The following PSMD9 variants were observed in gnomAD, a reference collection of about 807,000 sequenced individuals.
PSMD9 encodes the protein proteasome 26S subunit, non-ATPase 9, also known as 26S proteasome non-ATPase regulatory subunit 9.
In PSMD9, 26 loss-of-function variants were observed where a neutral mutation model predicts 25.9. The ratio of observed to expected loss-of-function variants is 1.00; its 90% CI spans 0.73 to 1.39. The LOEUF (loss-of-function observed/expected upper bound fraction) is 1.39. PSMD9 is among the 40% of genes most tolerant of loss of function. The pLI, the probability that PSMD9 is intolerant of heterozygous loss-of-function variation, is 0.00. For synonymous variants in PSMD9, 110 were observed against 114.5 expected (o/e 0.96, Z 0.25); for missense variants, 303 against 299.3 (o/e 1.01, Z -0.09).
At chr12:121,909,685 G>T (rs114601034) in intron 4 of PSMD9, among the ~76,000 whole-genome samples, 4 of 152,164 alleles carry the variant, frequency 2.6e-5, no homozygotes, top group African/African-American at 9.6e-5. Flanking sequence ...CTGCATTTCC[G>T]CCCACTTCGA....
Position 121,895,043 on chromosome 12 carries a change from T to C in PSMD9, c.241+202T>C, listed in dbSNP as rs376432191. Reference sequence around the variant, plus strand: ...TTTCTGGTTTCATTTTCTCTCTCTCTCTCTCTCTCTTTTTTTTTTGAGTCA... The same window carrying C: ...TTTCTGGTTTCATTTTCTCTCTCTCCCTCTCTCTCTTTTTTTTTTGAGTCA... On this transcript the variant is annotated intron_variant, in intron 2 of 5. Coordinates refer to ENST00000541212, the MANE Select transcript of PSMD9 (RefSeq NM_002813.7). Among the ~76,000 whole-genome samples, 11 of 152,090 alleles carry C rather than the reference T, an allele frequency of 7.2e-5. 1 individual carries two copies. In the East Asian group the frequency reaches 1.7e-3, roughly 24 times the overall value.
chr12:121,916,128 G>C, intron 5 of PSMD9, 156 bp from the exon 6 acceptor site: 1 of 1,191,906 alleles, frequency 8.4e-7, no homozygotes, highest in Non-Finnish European at 1.2e-6. Context: ...GGGAGCCCCA[G>C]AGTCTCTCCT....
chr12:121,916,574 A>C lies in PSMD9; in HGVS notation c.*263A>C. 1 of 541,532 alleles carries C rather than the reference A, an allele frequency of 1.8e-6. No individual in the cohort carries two copies. The highest frequency in any genetic ancestry group is 3.3e-6 in the Non-Finnish European group (1 of 302,802). The allele number at this position is 541,532 out of a possible 1,614,324, so 33.5% of individuals were successfully genotyped here. A position where few individuals can be genotyped will look rare whatever the true frequency, so the allele number is the denominator to read the frequency against. Reference sequence around the variant, plus strand: ...CCTGGATTGTGGGCAAGTGGGCGGAAGTTATTCTGGCAGGTACTGGTGTGA... The same window carrying C: ...CCTGGATTGTGGGCAAGTGGGCGGACGTTATTCTGGCAGGTACTGGTGTGA... On this transcript the variant is annotated 3_prime_UTR_variant, in exon 6 of 6. Coordinates refer to ENST00000541212, the MANE Select transcript of PSMD9 (RefSeq NM_002813.7).
chr12:121,904,564 A>T, intron 4 of PSMD9, among the ~76,000 whole-genome samples: 1 of 149,202 alleles, frequency 6.7e-6, no homozygotes, highest in East Asian at 2.0e-4. Flanking sequence ...ACAGAGCAAG[A>T]CTCTGTCTCA....
In PSMD9 at chr12:121,889,009, G is replaced by C. The variant is rs1878976180; in HGVS notation, c.138+15G>C. ...TGCTGGAAAGCGTGAGTGTGGGTTC[G>C]GGGCGCCCCAAGTCGCCTAACCCGG... On this transcript the variant is annotated intron_variant, in intron 1 of 5. Transcript: ENST00000541212. 1 of 1,576,036 alleles carries C rather than the reference G, an allele frequency of 6.3e-7. No homozygotes were observed. The highest frequency in any genetic ancestry group is 8.6e-7 in the Non-Finnish European group (1 of 1,160,754).
intron 4 of PSMD9, among the ~76,000 whole-genome samples, chr12:121,906,335 G>A (rs1879552970): frequency 6.6e-6 from 1 of 152,012 alleles, no homozygotes; most frequent in Non-Finnish European, 1.5e-5. Context: ...CTCAGCTGGA[G>A]AATCAAGAAT....
At chr12:121,896,931 A>G (rs1879248330) in intron 2 of PSMD9, among the ~76,000 whole-genome samples, 1 of 152,064 alleles carries the variant, frequency 6.6e-6, no homozygotes, top group Admixed American at 6.6e-5. Context: ...TTAACAGCAT[A>G]TATACACATA....
intron 4 of PSMD9, 44 bp downstream of exon 4, chr12:121,903,151 A>G: frequency 6.6e-7 from 1 of 1,507,022 alleles, no homozygotes; most frequent in Non-Finnish European, 9.2e-7. Flanking sequence ...GGGTTTTTCT[A>G]ACAGTATGCC....
At chr12:121,903,420 T>C (rs1185514388) in intron 4 of PSMD9, among the ~76,000 whole-genome samples, 1 of 152,052 alleles carries the variant, frequency 6.6e-6, no homozygotes, top group Non-Finnish European at 1.5e-5. Flanking sequence ...CCTAATACCA[T>C]CACATTGGTG....
In PSMD9 at chr12:121,899,714, C is replaced by T; in HGVS notation, c.322C>T (p.Gln108Ter). The T allele has an allele frequency of 6.2e-7, 1 of 1,614,144 alleles. No individual in the cohort carries two copies. The highest frequency in any genetic ancestry group is 1.3e-5 in the African/African-American group (1 of 75,048). Residue 108 changes from glutamine to a stop codon, truncating the protein, a stop_gained, in exon 3 of 6, where the codon CAG becomes TAG. Coordinates refer to ENST00000541212, the MANE Select transcript of PSMD9 (RefSeq NM_002813.7). LOFTEE classifies it high-confidence loss of function. ...HQLHARDKEK[Q>*]ARDMAEAHKE... ...GCTGCACGCTCGCGACAAGGAGAAG[C>T]AGGCCCGGGACATGGCTGAGGCCCA...
rs150550522 is a variant in PSMD9, at chr12:121,903,133, G to A, written c.555+26G>A. On this transcript the variant is annotated intron_variant, in intron 4 of 5. Coordinates refer to ENST00000541212, the MANE Select transcript of PSMD9 (RefSeq NM_002813.7). ...GTGAGTGGGGCTACCTGGTGTCTCG[G>A]TCTGTTTGGGTTTTTCTAACAGTAT... 1.6e-4 allele frequency: 253 copies of A among 1,589,130 alleles called. No individual in the cohort carries two copies. In the African/African-American group the frequency reaches 2.7e-3, roughly 17 times the overall value.
chr12:121,909,758 TGGTC>T (rs911014920), intron 4 of PSMD9, among the ~76,000 whole-genome samples: 21 of 152,310 alleles, frequency 1.4e-4, no homozygotes, highest in African/African-American at 4.6e-4. Context: ...CATGTTCCAT[TGGTC>T]GGTTCACCAT....
rs774864906 is a variant in PSMD9, at chr12:121,903,119, T to C, written c.555+12T>C. On this transcript the variant is annotated intron_variant, in intron 4 of 5. Coordinates refer to ENST00000541212, the MANE Select transcript of PSMD9 (RefSeq NM_002813.7). Reference sequence around the variant, plus strand: ...AGCACAGTGAGGGGGTGAGTGGGGCTACCTGGTGTCTCGGTCTGTTTGGGT... The same window carrying C: ...AGCACAGTGAGGGGGTGAGTGGGGCCACCTGGTGTCTCGGTCTGTTTGGGT... 7 of 1,606,894 alleles carry C rather than the reference T, an allele frequency of 4.4e-6. No homozygotes were observed. In the East Asian group the frequency reaches 1.1e-4, roughly 26 times the overall value.
chr12:121,910,907 A>G (rs1345733578), intron 4 of PSMD9: 2 of 455,728 alleles, frequency 4.4e-6, no homozygotes, highest in South Asian at 1.6e-5. Context: ...CCAAATCTCC[A>G]TTAAACACTA....
intron 4 of PSMD9, among the ~76,000 whole-genome samples, chr12:121,912,864 G>C (rs1879767185): frequency 1.1e-5 from 1 of 95,222 alleles, no homozygotes; most frequent in South Asian, 2.9e-4. Context: ...GTGAAACCCT[G>C]TCTCAAAAAA....
rs950995400 is a variant in PSMD9 at position 121,910,875 on chromosome 12, T to C, written c.556-4981T>C. 1.4e-4 allele frequency: 62 copies of C among 443,316 alleles called. 2 individuals are homozygous for C. Among genetic ancestry groups the C allele is most frequent in the Non-Finnish European group, 7.8e-5 (17 of 219,102 alleles). The allele number at this position is 443,316 out of a possible 1,614,324, so 27.5% of individuals were successfully genotyped here. A position where few individuals can be genotyped will look rare whatever the true frequency, so the allele number is the denominator to read the frequency against. On this transcript the variant is annotated intron_variant, in intron 4 of 5. Coordinates refer to ENST00000541212, the MANE Select transcript of PSMD9 (RefSeq NM_002813.7). ...TACCCATCTCCCATCTCCAAAACTT[T>C]TTCACCCTCCTAAACTGAAACCCAA...
At chr12:121,916,243 A>G (rs1467677509) in intron 5 of PSMD9, 41 bp from the exon 6 acceptor site, 2 of 1,612,748 alleles carry the variant, frequency 1.2e-6, no homozygotes, top group African/African-American at 1.3e-5. Context: ...TCCTGAAGGG[A>G]GCCTCCAAAC....
rs769838709 is a variant in PSMD9, at chr12:121,916,257, C to T, written c.645-27C>T. ...TTCCTGAAGGGAGCCTCCAAACTTACGCCATTCCTTTTCTTCTTTCTTCCA... is the reference window on the plus strand; with the variant it reads ...TTCCTGAAGGGAGCCTCCAAACTTATGCCATTCCTTTTCTTCTTTCTTCCA... On this transcript the variant is annotated intron_variant, in intron 5 of 5. Transcript: ENST00000541212. 57 of 1,613,812 alleles carry T rather than the reference C, an allele frequency of 3.5e-5. 1 individual carries two copies. In the Middle Eastern group the frequency reaches 3.6e-3, roughly 102 times the overall value.
intron 4 of PSMD9, among the ~76,000 whole-genome samples, chr12:121,909,771 A>G (rs191963452): frequency 5.6e-4 from 86 of 152,288 alleles, no homozygotes; most frequent in African/African-American, 2.0e-3. Flanking sequence ...TCGGTTCACC[A>G]TCTTTTACTT....
Sources: allele counts gnomAD v4.1 joint callset (sites outside exome capture counted in the v4.1 genomes callset), GRCh38; gene constraint gnomAD v4.1.1; transcripts MANE v1.5; gene names NCBI Gene and HGNC (gene_info 2026-07-23, HGNC 2026-07-21).